Variants in LMO3 observed in about 807,000 individuals in gnomAD.
The protein encoded by LMO3 is LIM domain only protein 3.
In LMO3, 2 loss-of-function variants were observed where a neutral mutation model predicts 15.8. That is an observed-to-expected ratio of 0.13 (90% CI 0.05 to 0.40). The LOEUF is 0.40. Ranked by LOEUF, LMO3 falls within the 10% of genes least tolerant of loss-of-function variation. The pLI is 0.99. For synonymous variants in LMO3, 62 were observed against 63.8 expected, an observed-to-expected ratio of 0.97 and a Z score of 0.13; for missense variants, 86 against 182.2, an observed-to-expected ratio of 0.47 and a Z score of 3.04.
chr12:16,566,074 A>C (rs898377681), intron 2 of LMO3, among the ~76,000 whole-genome samples: 14 of 137,568 alleles, frequency 1.0e-4, no homozygotes, highest in African/African-American at 3.2e-4. Flanking sequence ...AAAAAGAATG[A>C]AATCCTGTCA....
rs189057216 is a variant in LMO3, at chr12:16,565,272, G to A, written c.207-4734C>T. ...TGGATGGAAAAGTTTTATTGAATATGTTTTGTGGGAAGGAATGAACATTTT... is the reference window on the plus strand; with the variant it reads ...TGGATGGAAAAGTTTTATTGAATATATTTTGTGGGAAGGAATGAACATTTT... On this transcript the variant is annotated intron_variant, in intron 2 of 3. Coordinates refer to ENST00000537304, the MANE Select transcript of LMO3 (RefSeq NM_018640.5). Among the ~76,000 whole-genome samples, 422 of 152,314 alleles carry A rather than the reference G, an allele frequency of 2.8e-3. 2 individuals carry two copies. The highest frequency in any genetic ancestry group is 9.6e-3 in the African/African-American group (398 of 41,570).
chr12:16,584,714 C>T lies in LMO3; in HGVS notation c.206+15941G>A, dbSNP rs1309657751. Reference sequence around the variant, plus strand: ...AATGGCTGCCATGAAGTTCAAGAAACAGCAAGAGATTTCTTTTATCAGGAC... The same window carrying T: ...AATGGCTGCCATGAAGTTCAAGAAATAGCAAGAGATTTCTTTTATCAGGAC... On this transcript the variant is annotated intron_variant, in intron 2 of 3. Coordinates refer to ENST00000537304, the MANE Select transcript of LMO3 (RefSeq NM_018640.5). This position sits in a 1 kb window ranked among gnomAD's most constrained non-coding sequence, Gnocchi z 5.2. Among the ~76,000 whole-genome samples, 1 of 152,088 alleles carries T rather than the reference C, an allele frequency of 6.6e-6. No homozygotes were observed. Among genetic ancestry groups the T allele is most frequent in the Non-Finnish European group, 1.5e-5 (1 of 68,028 alleles).
chr12:16,582,338 T>C lies in LMO3; in HGVS notation c.206+18317A>G, dbSNP rs1253360554. Among the ~76,000 whole-genome samples the C allele has an allele frequency of 6.6e-6, 1 of 152,228 alleles. No individual in the cohort carries two copies. Among genetic ancestry groups the C allele is most frequent in the Admixed American group, 6.5e-5 (1 of 15,288 alleles). On this transcript the variant is annotated intron_variant, in intron 2 of 3. Transcript: ENST00000537304. This position sits in a 1 kb window ranked among gnomAD's most constrained non-coding sequence, Gnocchi z 4.1. ...CTAGAAAACATCTTACCTGTTCCTATAGTATTATTCATTTTAGACAGTGAC... is the reference window on the plus strand; with the variant it reads ...CTAGAAAACATCTTACCTGTTCCTACAGTATTATTCATTTTAGACAGTGAC...
At chr12:16,570,624 A>G (rs1591792890) in intron 2 of LMO3, among the ~76,000 whole-genome samples, 1 of 152,162 alleles carries the variant, frequency 6.6e-6, no homozygotes, top group East Asian at 1.9e-4. Flanking sequence ...AGAGCCACTT[A>G]CTCACTCAGG....
At chr12:16,595,701 T>C (rs1188425473) in intron 2 of LMO3, among the ~76,000 whole-genome samples, 1 of 151,418 alleles carries the variant, frequency 6.6e-6, no homozygotes, top group African/African-American at 2.4e-5. Context: ...TTCAATATGC[T>C]CATGTCAAAA....
At position 16,560,572 on chromosome 12, in the gene LMO3, C is replaced by CTCTT; in HGVS notation, c.207-38_207-35dup. 6.3e-7 allele frequency: 1 copy of CTCTT among 1,581,346 alleles called. No homozygotes were observed. The highest frequency in any genetic ancestry group is 8.6e-7 in the Non-Finnish European group (1 of 1,157,552). On this transcript the variant is annotated intron_variant, in intron 2 of 3. Coordinates refer to ENST00000537304, the MANE Select transcript of LMO3 (RefSeq NM_018640.5). The surrounding 1 kb of genome is among the most constrained non-coding windows in gnomAD (Gnocchi z 5.0). ...AGAAACATTTTTTTTTTTTTACAAA[C>CTCTT]TCTTACAGAGAAATCTGAGATCGTG... is the stretch of plus-strand genomic sequence containing the variant.
chr12:16,593,203 T>C lies in LMO3; in HGVS notation c.206+7452A>G, dbSNP rs927180846. Reference sequence around the variant, plus strand: ...TGTGGACGATGCTTCACTGCATTAGTGATAACAATTTTACTTAAATATTGC... The same window carrying C: ...TGTGGACGATGCTTCACTGCATTAGCGATAACAATTTTACTTAAATATTGC... On this transcript the variant is annotated intron_variant, in intron 2 of 3. Transcript: ENST00000537304. This position sits in a 1 kb window ranked among gnomAD's most constrained non-coding sequence, Gnocchi z 4.2. Among the ~76,000 whole-genome samples, 2 of 151,916 alleles carry C rather than the reference T, an allele frequency of 1.3e-5. No individual in the cohort carries two copies. Among genetic ancestry groups the C allele is most frequent in the African/African-American group, 4.8e-5 (2 of 41,434 alleles).
rs972188608 is a variant in LMO3 at position 16,582,974 on chromosome 12, G to T, written c.206+17681C>A. On this transcript the variant is annotated intron_variant, in intron 2 of 3. Coordinates refer to ENST00000537304, the MANE Select transcript of LMO3 (RefSeq NM_018640.5). The surrounding 1 kb of genome is among the most constrained non-coding windows in gnomAD (Gnocchi z 4.1). The stretch of plus-strand genomic sequence containing the variant: ...ATGCAGGAAAATCTCTTGAAGCTGG[G>T]AGGCAGAGGTTGTAGTGAGCTGAGA... 6.7e-6 allele frequency among the ~76,000 whole-genome samples: 1 copy of T among 150,126 alleles called. No individual in the cohort carries two copies. Among genetic ancestry groups the T allele is most frequent in the African/African-American group, 2.4e-5 (1 of 40,846 alleles).
chr12:16,598,469 CT>C lies in LMO3; in HGVS notation c.206+2185del, dbSNP rs1386032139. 1 of 151,992 alleles carries C rather than the reference CT, an allele frequency of 6.6e-6. No homozygotes were observed. The highest frequency in any genetic ancestry group is 1.5e-5 in the Non-Finnish European group (1 of 67,990). 9.4% of individuals were successfully genotyped at this position (151,992 alleles called of 1,614,324 possible). On this transcript the variant is annotated intron_variant, in intron 2 of 3. Coordinates refer to ENST00000537304, the MANE Select transcript of LMO3 (RefSeq NM_018640.5). This position sits in a 1 kb window ranked among gnomAD's most constrained non-coding sequence, Gnocchi z 4.3. ...ATGACCAATTTAAGCGGAAATCGTA[CT>C]CTGAGAAATGAATATATTGGCAATC...
Position 16,584,230 on chromosome 12 carries a change from G to A in LMO3, c.206+16425C>T, listed in dbSNP as rs1440300395. On this transcript the variant is annotated intron_variant, in intron 2 of 3. Coordinates refer to ENST00000537304, the MANE Select transcript of LMO3 (RefSeq NM_018640.5). This position sits in a 1 kb window ranked among gnomAD's most constrained non-coding sequence, Gnocchi z 5.2. ...GATGCATTTTTTAGTAGTGAGTGGG[G>A]AGAGTTATGTGTATCTAAGATTGCC... Among the ~76,000 whole-genome samples the A allele has an allele frequency of 6.6e-6, 1 of 152,134 alleles. No homozygotes were observed. The highest frequency in any genetic ancestry group is 2.4e-5 in the African/African-American group (1 of 41,434).
chr12:16,562,387 C>G (rs533147670), intron 2 of LMO3, among the ~76,000 whole-genome samples: 85 of 152,202 alleles, frequency 5.6e-4, no homozygotes, highest in African/African-American at 2.0e-3. Context: ...GGTTAACATG[C>G]GATAAAGCCG....
At chr12:16,571,553 G>C (rs868213837) in intron 2 of LMO3, among the ~76,000 whole-genome samples, 2 of 152,078 alleles carry the variant, frequency 1.3e-5, no homozygotes, top group Middle Eastern at 3.4e-3. Flanking sequence ...ATATAAACCT[G>C]TTGCCTAGTC....
chr12:16,608,562 C>G (rs1049850626), upstream of LMO3: 1 of 152,170 alleles, frequency 6.6e-6, no homozygotes, highest in Admixed American at 6.5e-5. This position sits in a 1 kb window ranked among gnomAD's most constrained non-coding sequence, Gnocchi z 4.1. Flanking sequence ...ACATTAACCA[C>G]TTTGTCACCT....
At chr12:16,567,758 G>C (rs1306730240) in intron 2 of LMO3, among the ~76,000 whole-genome samples, 1 of 151,968 alleles carries the variant, frequency 6.6e-6, no homozygotes. Flanking sequence ...TTGGTAAGTT[G>C]GTATTTTAAG....
At chr12:16,558,779 C>G (rs1244736786) in intron 3 of LMO3, among the ~76,000 whole-genome samples, 2 of 152,068 alleles carry the variant, frequency 1.3e-5, no homozygotes, top group Non-Finnish European at 2.9e-5. Flanking sequence ...GTGGGAAAGT[C>G]AAGTTAATGG....
At position 16,584,700 on chromosome 12, in the gene LMO3, T is replaced by C. The variant is rs1943263911; in HGVS notation, c.206+15955A>G. The stretch of plus-strand genomic sequence containing the variant: ...TCCAAACATATTGCAATGGCTGCCA[T>C]GAAGTTCAAGAAACAGCAAGAGATT... On this transcript the variant is annotated intron_variant, in intron 2 of 3. Transcript: ENST00000537304. The surrounding 1 kb of genome is among the most constrained non-coding windows in gnomAD (Gnocchi z 5.2). Among the ~76,000 whole-genome samples the C allele has an allele frequency of 6.6e-6, 1 of 152,108 alleles. No individual in the cohort carries two copies. Among genetic ancestry groups the C allele is most frequent in the Admixed American group, 6.6e-5 (1 of 15,262 alleles).
Position 16,604,637 on chromosome 12 carries a change from T to C in LMO3, c.-9+1429A>G. ...GCGGAGTTTATGCTCCAGCCTTTTG[T>C]GGTTGTGTCTTTGCAGCCACACAGG... On this transcript the variant is annotated intron_variant, in intron 1 of 3. Coordinates refer to ENST00000537304, the MANE Select transcript of LMO3 (RefSeq NM_018640.5). The surrounding 1 kb of genome is among the most constrained non-coding windows in gnomAD (Gnocchi z 5.3). 2 of 567,236 alleles carry C rather than the reference T, an allele frequency of 3.5e-6. No individual in the cohort carries two copies. Among genetic ancestry groups the C allele is most frequent in the Non-Finnish European group, 3.1e-6 (1 of 320,162 alleles). 35.1% of individuals were successfully genotyped at this position (567,236 alleles called of 1,614,324 possible). A position where few individuals can be genotyped will look rare whatever the true frequency, so the allele number is the denominator to read the frequency against.
upstream of LMO3, chr12:16,607,511 G>C (rs1177068830): frequency 2.0e-5 from 3 of 151,062 alleles, no homozygotes; most frequent in African/African-American, 7.3e-5. Context: ...AAAGGCCACT[G>C]GTAGCTTTAA....
chr12:16,593,184 C>T lies in LMO3; in HGVS notation c.206+7471G>A, dbSNP rs951385449. ...ATTAATAGCTTGGGTTTAATGTGGA[C>T]GATGCTTCACTGCATTAGTGATAAC... On this transcript the variant is annotated intron_variant, in intron 2 of 3. Coordinates refer to ENST00000537304, the MANE Select transcript of LMO3 (RefSeq NM_018640.5). The surrounding 1 kb of genome is among the most constrained non-coding windows in gnomAD (Gnocchi z 4.2). 4.0e-5 allele frequency among the ~76,000 whole-genome samples: 6 copies of T among 151,696 alleles called. No individual in the cohort carries two copies. The highest frequency in any genetic ancestry group is 7.3e-5 in the African/African-American group (3 of 41,356).
Sources: allele counts gnomAD v4.1 joint callset (sites outside exome capture counted in the v4.1 genomes callset), GRCh38; gene constraint gnomAD v4.1.1; non-coding constraint Gnocchi (gnomAD v3.1); transcripts MANE v1.5; gene names NCBI Gene and HGNC (gene_info 2026-07-23, HGNC 2026-07-21).